The following INSC variants were observed in gnomAD, a reference collection of about 807,000 sequenced individuals.
INSC encodes INSC spindle orientation adaptor protein, also known as protein inscuteable homolog.
A neutral mutation model predicts 58.6 loss-of-function variants in INSC; 67 were observed. That is an observed-to-expected ratio of 1.14 (90% CI 0.94 to 1.40). The LOEUF is 1.40. Ranked by LOEUF, INSC falls within the 40% of genes most tolerant of loss-of-function variation. INSC has a pLI of 0.00. For missense variants in INSC, 714 were observed against 692.0 expected (o/e 1.03, Z -0.36); for synonymous variants, 262 against 276.1 (o/e 0.95, Z 0.51).
At chr11:15,119,330 C>T (rs1358296388) in intron 1 of INSC, among the ~76,000 whole-genome samples, 1 of 152,186 alleles carries the variant, frequency 6.6e-6, no homozygotes. Flanking sequence ...CAGTGTTGAA[C>T]TTCTGTGCCT....
At position 15,205,702 on chromosome 11, in the gene INSC, C is replaced by G. The variant is rs537095497; in HGVS notation, c.819+4753C>G. 2.4e-4 allele frequency among the ~76,000 whole-genome samples: 36 copies of G among 152,210 alleles called. 1 individual carries two copies. The South Asian group carries it at 5.4e-3, about 23-fold the overall frequency. The stretch of plus-strand genomic sequence containing the variant: ...GGGGGGATGAGTCCTCACAGTCTTT[C>G]CCTTTAACAGACGAGGAAACTGAGA... On this transcript the variant is annotated intron_variant, in intron 7 of 12. Transcript: ENST00000379556.
chr11:15,150,822 G>A (rs1256101182), intron 2 of INSC, among the ~76,000 whole-genome samples: 1 of 152,166 alleles, frequency 6.6e-6, no homozygotes, highest in Non-Finnish European at 1.5e-5. Flanking sequence ...TCTACTCTTG[G>A]AATCTCTTAT....
At chr11:15,178,268 T>A (rs964656013) in intron 4 of INSC, 56 bp from the exon 5 acceptor site, 1 of 1,606,824 alleles carries the variant, frequency 6.2e-7, no homozygotes, top group Non-Finnish European at 8.5e-7. Context: ...GTGCAACATT[T>A]CTGGGCTGAC....
chr11:15,120,671 T>C (rs1847849695), intron 1 of INSC, among the ~76,000 whole-genome samples: 1 of 152,184 alleles, frequency 6.6e-6, no homozygotes, highest in Non-Finnish European at 1.5e-5. Context: ...AGGAGCTTTG[T>C]ATGGAGTCTG....
At chr11:15,241,539 T>C (rs1590017415) in intron 12 of INSC, 1 of 701,974 alleles carries the variant, frequency 1.4e-6, no homozygotes, top group East Asian at 2.7e-5. Flanking sequence ...GTTTATGGAA[T>C]GATTCTGCGT....
In INSC at chr11:15,213,126, G is replaced by A. The variant is rs1243736771; in HGVS notation, c.820-8351G>A. ...GCTGCTCAACTCAGGATGTCCATGA[G>A]AGTTACTTGAGGAGTTTTTTTTTTT... On this transcript the variant is annotated intron_variant, in intron 7 of 12. Coordinates refer to ENST00000379556, the MANE Select transcript of INSC (RefSeq NM_001042536.3). 2.0e-5 allele frequency among the ~76,000 whole-genome samples: 3 copies of A among 149,116 alleles called. No individual in the cohort carries two copies. In the Admixed American group the frequency reaches 2.0e-4, roughly 10 times the overall value.
chr11:15,213,152 T>TTA, intron 7 of INSC, among the ~76,000 whole-genome samples: 1 of 151,978 alleles, frequency 6.6e-6, no homozygotes, highest in African/African-American at 2.4e-5. Context: ...TTTTTTTTTT[T>TTA]AATTATACTT....
At chr11:15,134,742 ATGT>A (rs916712456) in intron 1 of INSC, among the ~76,000 whole-genome samples, 20 of 152,128 alleles carry the variant, frequency 1.3e-4, no homozygotes, top group African/African-American at 4.3e-4. Flanking sequence ...GTGGCTTAAC[ATGT>A]TGTTTATTTC....
At chr11:15,128,381 T>G (rs1279647453) in intron 1 of INSC, among the ~76,000 whole-genome samples, 1 of 152,210 alleles carries the variant, frequency 6.6e-6, no homozygotes, top group Non-Finnish European at 1.5e-5. Flanking sequence ...TACAAAGTGG[T>G]GTCATAATGT....
intron 9 of INSC, among the ~76,000 whole-genome samples, chr11:15,230,282 G>T (rs957272566): frequency 1.3e-5 from 2 of 151,716 alleles, no homozygotes; most frequent in Admixed American, 1.3e-4. Context: ...TATACAGAAA[G>T]CATGAAGCTG....
chr11:15,240,171 C>T lies in INSC; in HGVS notation c.1394-276C>T, dbSNP rs964796331. On this transcript the variant is annotated intron_variant, in intron 11 of 12. Transcript: ENST00000379556. ...GTATATTTTCTGATTGAAATTGGCA[C>T]TTGAGAAAAAAAAAGACACAGTTAG... Among the ~76,000 whole-genome samples, 5 of 151,848 alleles carry T rather than the reference C, an allele frequency of 3.3e-5. 1 individual carries two copies. Among genetic ancestry groups the T allele is most frequent in the African/African-American group, 1.2e-4 (5 of 41,362 alleles).
chr11:15,197,661 G>A lies in INSC; in HGVS notation c.694-3163G>A, dbSNP rs188555016. ...GAGGCTTGTCCTCTCAGCTTCTTGG[G>A]TTCCTCTGAAGGCTAAAGAATAAGC... On this transcript the variant is annotated intron_variant, in intron 6 of 12. Coordinates refer to ENST00000379556, the MANE Select transcript of INSC (RefSeq NM_001042536.3). Among the ~76,000 whole-genome samples, 83 of 152,298 alleles carry A rather than the reference G, an allele frequency of 5.4e-4. 1 individual carries two copies. The South Asian group carries it at 0.014, about 26-fold the overall frequency.
At chr11:15,123,539 A>T (rs1847922452) in intron 1 of INSC, among the ~76,000 whole-genome samples, 1 of 152,232 alleles carries the variant, frequency 6.6e-6, no homozygotes. Context: ...TCATTTTGGG[A>T]CACCTGGCAT....
chr11:15,167,824 A>G (rs1044856926), intron 2 of INSC, among the ~76,000 whole-genome samples: 1 of 152,004 alleles, frequency 6.6e-6, no homozygotes, highest in Non-Finnish European at 1.5e-5. Flanking sequence ...GCTTTTCCCC[A>G]CTGGCACCTT....
intron 2 of INSC, among the ~76,000 whole-genome samples, chr11:15,150,712 G>A (rs1378504327): frequency 6.6e-6 from 1 of 152,200 alleles, no homozygotes; most frequent in Non-Finnish European, 1.5e-5. Flanking sequence ...ATGATTGACA[G>A]GAAGTGGTCT....
intron 12 of INSC, among the ~76,000 whole-genome samples, chr11:15,243,959 T>C (rs889544719): frequency 5.9e-5 from 9 of 152,028 alleles, no homozygotes; most frequent in Non-Finnish European, 1.3e-4. Flanking sequence ...TCTCTGTCTG[T>C]TTTAATATTT....
At chr11:15,222,462 T>C (rs2133934573) in intron 8 of INSC, among the ~76,000 whole-genome samples, 1 of 152,300 alleles carries the variant, frequency 6.6e-6, no homozygotes, top group East Asian at 1.9e-4. Flanking sequence ...TGAAATAGCA[T>C]GAACTTAGGG....
intron 7 of INSC, among the ~76,000 whole-genome samples, chr11:15,201,870 T>C (rs1850607023): frequency 6.6e-6 from 1 of 152,226 alleles, no homozygotes; most frequent in Non-Finnish European, 1.5e-5. Context: ...CTCTGTCCTC[T>C]GCATCCATGT....
intron 6 of INSC, among the ~76,000 whole-genome samples, chr11:15,198,573 ATCTC>A (rs367992225): frequency 6.6e-6 from 1 of 151,648 alleles, no homozygotes; most frequent in East Asian, 1.9e-4. Flanking sequence ...TCAATCAGTC[ATCTC>A]TCTCTCTCTC....
Sources: gnomAD v4.1 joint callset for allele counts (sites outside exome capture counted in the v4.1 genomes callset) on GRCh38, gnomAD v4.1.1 for gene constraint, MANE v1.5 for transcripts, NCBI Gene and HGNC (gene_info 2026-07-23, HGNC 2026-07-21) for gene names.